CACNA1I: variants seen among roughly 807,000 people sequenced by gnomAD.
CACNA1I encodes the protein calcium voltage-gated channel subunit alpha1 I.
In CACNA1I, 74 loss-of-function variants were observed where a neutral mutation model predicts 201.6. The observed-to-expected ratio is 0.37, with a 90% CI of 0.30 to 0.45. The LOEUF (loss-of-function observed/expected upper bound fraction) is 0.45. Among genes scored for constraint, CACNA1I ranks in the 20% least tolerant of loss-of-function variants. The pLI, the probability that CACNA1I is intolerant of heterozygous loss-of-function variation, is 1.00. For missense variants in CACNA1I, 2,346 were observed against 3,138.1 expected (o/e 0.75, Z 6.03); for synonymous variants, 1,431 against 1,345.2 (o/e 1.06, Z -1.40).
At chr22:39,594,500 T>A (rs1314676964) in intron 1 of CACNA1I, among the ~76,000 whole-genome samples, 3 of 152,044 alleles carry the variant, frequency 2.0e-5, no homozygotes, top group African/African-American at 7.3e-5. Context: ...CGACTGAAAT[T>A]AATTACAGGC....
chr22:39,604,970 G>C, intron 3 of CACNA1I, among the ~76,000 whole-genome samples: 1 of 152,070 alleles, frequency 6.6e-6, no homozygotes, highest in South Asian at 2.1e-4. Context: ...GCTCAAGGTC[G>C]TTCCCATCCT....
chr22:39,677,933 G>A lies in CACNA1I; in HGVS notation c.4934-54G>A, dbSNP rs1935565868. 15 of 1,526,448 alleles carry A rather than the reference G, an allele frequency of 9.8e-6. No homozygotes were observed. Among genetic ancestry groups the A allele is most frequent in the Middle Eastern group, 2.1e-4 (1 of 4,816 alleles). The allele number at this position is 1,526,448 out of a possible 1,614,324, so 94.6% of individuals were successfully genotyped here. On this transcript the variant is annotated intron_variant, in intron 30 of 36. Coordinates refer to ENST00000402142, the MANE Select transcript of CACNA1I (RefSeq NM_021096.4). This position sits in a 1 kb window ranked among gnomAD's most constrained non-coding sequence, Gnocchi z 4.8. Reference sequence around the variant, plus strand: ...GAGGCGGGAGGCACCAGGTCAGGGTGAGCCCCGCAGGCACTCCGCCATCGG... The same window carrying A: ...GAGGCGGGAGGCACCAGGTCAGGGTAAGCCCCGCAGGCACTCCGCCATCGG...
chr22:39,626,816 T>A (rs1933912359), intron 4 of CACNA1I, among the ~76,000 whole-genome samples: 1 of 152,204 alleles, frequency 6.6e-6, no homozygotes, highest in East Asian at 1.9e-4. Context: ...AGGATGGTCT[T>A]GATCTCTGGA....
chr22:39,652,653 C>T (rs542136221), intron 10 of CACNA1I, among the ~76,000 whole-genome samples: 2 of 152,292 alleles, frequency 1.3e-5, no homozygotes, highest in South Asian at 4.1e-4. Flanking sequence ...GCCTGTAATC[C>T]CAGCACTTTG....
chr22:39,575,080 C>G (rs1932301086), intron 1 of CACNA1I, among the ~76,000 whole-genome samples: 1 of 152,266 alleles, frequency 6.6e-6, no homozygotes. Flanking sequence ...CAGCACCGCT[C>G]CCTGCCTGGC....
rs555456866 is a variant in CACNA1I, at chr22:39,633,280, GGCCCTGC to G, written c.581-1284_581-1278del. On this transcript the variant is annotated intron_variant, in intron 4 of 36. Transcript: ENST00000402142. Reference sequence around the variant, plus strand: ...GGAATACTGAGGTGACTTAGACAAGGGCCCTGCCCCCAGAACCTTATAGCCTAGTGGA... The same window carrying G: ...GGAATACTGAGGTGACTTAGACAAGGCCCCAGAACCTTATAGCCTAGTGGA... Among the ~76,000 whole-genome samples the G allele has an allele frequency of 2.9e-3, 446 of 152,258 alleles. 1 individual carries two copies. Among genetic ancestry groups the G allele is most frequent in the Non-Finnish European group, 3.0e-3 (202 of 68,020 alleles).
Position 39,660,340 on chromosome 22 carries a change from C to T in CACNA1I, c.2605-4C>T, listed in dbSNP as rs751740380. ...GCATTCTAACGTGACGGATGCTCTC[C>T]CAGGGTGACGCCAATCGCTCCTACT... On this transcript the variant is annotated splice_polypyrimidine_tract_variant and splice_region_variant and intron_variant, in intron 14 of 36. Transcript: ENST00000402142. 3 of 1,611,024 alleles carry T rather than the reference C, an allele frequency of 1.9e-6. No homozygotes were observed. Among genetic ancestry groups the T allele is most frequent in the Non-Finnish European group, 2.5e-6 (3 of 1,178,514 alleles).
At chr22:39,672,397 T>C (rs1935400985) in intron 27 of CACNA1I, 89 bp downstream of exon 27, 1 of 866,588 alleles carries the variant, frequency 1.2e-6, no homozygotes. Context: ...TGGAGCAGCC[T>C]GAAGAGGGGA....
intron 3 of CACNA1I, among the ~76,000 whole-genome samples, chr22:39,618,198 CGTGT>C (rs1214722507): frequency 1.5e-5 from 2 of 137,322 alleles, no homozygotes; most frequent in Non-Finnish European, 1.6e-5. Context: ...TGGTTGTGTA[CGTGT>C]GTGTGACTGT....
intron 3 of CACNA1I, among the ~76,000 whole-genome samples, chr22:39,608,597 G>A (rs1465954627): frequency 1.3e-5 from 2 of 151,904 alleles, no homozygotes; most frequent in Non-Finnish European, 2.9e-5. Context: ...CCAGCACTTT[G>A]GCAGGCCGAG....
At chr22:39,633,944 G>A (rs1459761149) in intron 4 of CACNA1I, among the ~76,000 whole-genome samples, 3 of 152,184 alleles carry the variant, frequency 2.0e-5, no homozygotes, top group African/African-American at 4.8e-5. Flanking sequence ...GTCCTGACAT[G>A]GTCAAGGGGA....
At chr22:39,664,713 T>A (rs1460244827) in intron 20 of CACNA1I, 26 bp from the exon 21 acceptor site, 8 of 532,854 alleles carry the variant, frequency 1.5e-5, no homozygotes, top group Non-Finnish European at 2.2e-5. Flanking sequence ...CGCGGCAGCC[T>A]GACCCCGGCC....
intron 33 of CACNA1I, among the ~76,000 whole-genome samples, chr22:39,680,600 C>G (rs942027127): frequency 6.6e-6 from 1 of 152,180 alleles, no homozygotes; most frequent in African/African-American, 2.4e-5. Context: ...TCAAGTCCAG[C>G]CCAGTCTTGA....
chr22:39,597,148 C>A (rs1218875673), intron 1 of CACNA1I, among the ~76,000 whole-genome samples: 2 of 152,174 alleles, frequency 1.3e-5, no homozygotes, highest in South Asian at 2.1e-4. Flanking sequence ...CACAGATTTT[C>A]GAAGGCCCCA....
chr22:39,643,750 G>A (rs1301779387), intron 7 of CACNA1I, among the ~76,000 whole-genome samples: 3 of 152,200 alleles, frequency 2.0e-5, no homozygotes, highest in African/African-American at 4.8e-5. Flanking sequence ...TGGGGAGGCT[G>A]GGGCCTTGGA....
At chr22:39,586,967 C>T (rs1932760701) in intron 1 of CACNA1I, among the ~76,000 whole-genome samples, 2 of 152,168 alleles carry the variant, frequency 1.3e-5, no homozygotes, top group Admixed American at 1.3e-4. Context: ...GATCAGCCCA[C>T]AGACAGTGGG....
chr22:39,614,515 C>T (rs542835692), intron 3 of CACNA1I, among the ~76,000 whole-genome samples: 2 of 152,350 alleles, frequency 1.3e-5, no homozygotes, highest in Admixed American at 6.5e-5. Context: ...AGGTGGCCTC[C>T]GGGTTTGCAG....
At chr22:39,663,997 C>T in intron 19 of CACNA1I, 94 bp from the exon 20 acceptor site, 1 of 1,515,700 alleles carries the variant, frequency 6.6e-7, no homozygotes, top group South Asian at 1.1e-5. Flanking sequence ...AGGTGGCAGC[C>T]TCTCCTCTAC....
rs773672869 is a variant in CACNA1I at position 39,659,566 on chromosome 22, G to C, written c.2448+16G>C. On this transcript the variant is annotated intron_variant, in intron 13 of 36. Coordinates refer to ENST00000402142, the MANE Select transcript of CACNA1I (RefSeq NM_021096.4). The surrounding 1 kb of genome is among the most constrained non-coding windows in gnomAD (Gnocchi z 4.3). ...TGTGTTCCAGGTGAGTGGCCGCTGC[G>C]TGTTCATGTTTGCTGGGGAAGCGAT... The C allele has an allele frequency of 6.2e-7, 1 of 1,604,736 alleles. No individual in the cohort carries two copies. Among genetic ancestry groups the C allele is most frequent in the Admixed American group, 1.7e-5 (1 of 59,630 alleles).
Sources: gnomAD v4.1 joint callset for allele counts (sites outside exome capture counted in the v4.1 genomes callset) on GRCh38, gnomAD v4.1.1 for gene constraint, Gnocchi (gnomAD v3.1) non-coding constraint, MANE v1.5 for transcripts, NCBI Gene and HGNC (gene_info 2026-07-23, HGNC 2026-07-21) for gene names.